DHRS3: variants seen among roughly 807,000 people sequenced by gnomAD.
The protein encoded by DHRS3 is short-chain dehydrogenase/reductase 3.
Under a neutral mutation model 27.2 loss-of-function variants are expected in DHRS3, and 14 were observed. The observed-to-expected ratio is 0.52, with a 90% CI of 0.34 to 0.81. The LOEUF is 0.81. DHRS3 is among the 30% of genes least tolerant of loss of function. The pLI, the probability that DHRS3 is intolerant of heterozygous loss-of-function variation, is 0.01. For synonymous variants in DHRS3, 165 were observed against 175.9 expected, an observed-to-expected ratio of 0.94 and a Z score of 0.49; for missense variants, 322 against 406.2, an observed-to-expected ratio of 0.79 and a Z score of 1.78.
intron 1 of DHRS3, among the ~76,000 whole-genome samples, chr1:12,583,230 CCCCACTGTA>C (rs1289001843): frequency 6.9e-6 from 1 of 143,974 alleles, no homozygotes; most frequent in Non-Finnish European, 1.5e-5. Context: ...CCCTCACCTA[CCCCACTGTA>C]CCCACTCACC....
chr1:12,574,628 G>A lies in DHRS3; in HGVS notation c.699-1775C>T, dbSNP rs1646569524. Among the ~76,000 whole-genome samples, 1 of 152,216 alleles carries A rather than the reference G, an allele frequency of 6.6e-6. No individual in the cohort carries two copies. Among genetic ancestry groups the A allele is most frequent in the South Asian group, 2.1e-4 (1 of 4,838 alleles). ...CTGGCTTCCACCTGTGGCCTGGCCTGTCTCTTGGGAAAGGGAAGGCAGGAT... is the reference window on the plus strand; with the variant it reads ...CTGGCTTCCACCTGTGGCCTGGCCTATCTCTTGGGAAAGGGAAGGCAGGAT... On this transcript the variant is annotated intron_variant, in intron 4 of 5. Transcript: ENST00000616661. The surrounding 1 kb of genome is among the most constrained non-coding windows in gnomAD (Gnocchi z 4.6).
chr1:12,573,994 A>G (rs910036038), intron 4 of DHRS3, among the ~76,000 whole-genome samples: 27 of 152,018 alleles, frequency 1.8e-4, no homozygotes, highest in African/African-American at 6.0e-4. Context: ...CAATCCCACA[A>G]AGAGCTTGTG....
At chr1:12,569,079 G>C (rs4253925) in intron 5 of DHRS3, among the ~76,000 whole-genome samples, 2 of 152,068 alleles carry the variant, frequency 1.3e-5, no homozygotes, top group South Asian at 4.1e-4. Flanking sequence ...TTAGCTGGGC[G>C]TGGTGGTGGG....
At chr1:12,607,586 G>C (rs1553142605) in intron 1 of DHRS3, among the ~76,000 whole-genome samples, 2 of 152,184 alleles carry the variant, frequency 1.3e-5, no homozygotes, top group Non-Finnish European at 2.9e-5. Context: ...ATGTGTAACT[G>C]TGAGTCAATT....
intron 1 of DHRS3, among the ~76,000 whole-genome samples, chr1:12,584,529 T>C (rs1035833263): frequency 7.8e-6 from 1 of 128,370 alleles, no homozygotes; most frequent in Non-Finnish European, 1.6e-5. Context: ...CACATCCCAG[T>C]GCCCAGCATA....
rs1279699864 is a variant in DHRS3, at chr1:12,592,832, T to A, written c.196-12166A>T. 6.6e-6 allele frequency among the ~76,000 whole-genome samples: 1 copy of A among 152,222 alleles called. No homozygotes were observed. Among genetic ancestry groups the A allele is most frequent in the Non-Finnish European group, 1.5e-5 (1 of 68,040 alleles). On this transcript the variant is annotated intron_variant, in intron 1 of 5. Coordinates refer to ENST00000616661, the MANE Select transcript of DHRS3 (RefSeq NM_004753.7). The surrounding 1 kb of genome is among the most constrained non-coding windows in gnomAD (Gnocchi z 4.2). Reference sequence around the variant, plus strand: ...CTCCCTGTTTTCAGATGCCAAGCTCTTTTTAACCTCCGAAGGCTCTTCACT... The same window carrying A: ...CTCCCTGTTTTCAGATGCCAAGCTCATTTTAACCTCCGAAGGCTCTTCACT...
chr1:12,579,064 C>A, intron 3 of DHRS3, 108 bp from the exon 4 acceptor site: 1 of 1,261,282 alleles, frequency 7.9e-7, no homozygotes, highest in Non-Finnish European at 1.1e-6. Flanking sequence ...GCTCTAGGGC[C>A]CGAGCCTTCC....
intron 5 of DHRS3, among the ~76,000 whole-genome samples, chr1:12,571,145 C>G (rs1412147471): frequency 1.3e-5 from 2 of 152,332 alleles, no homozygotes; most frequent in East Asian, 1.9e-4. Context: ...CCCATGGTCA[C>G]TTGTGGCACC....
At chr1:12,602,909 A>T (rs1441542617) in intron 1 of DHRS3, among the ~76,000 whole-genome samples, 2 of 152,184 alleles carry the variant, frequency 1.3e-5, no homozygotes, top group African/African-American at 4.8e-5. Context: ...CTGCTGTGAC[A>T]CTGCCTTTGG....
intron 1 of DHRS3, among the ~76,000 whole-genome samples, chr1:12,588,790 G>A (rs1031429343): frequency 3.9e-5 from 6 of 152,198 alleles, no homozygotes; most frequent in Admixed American, 1.3e-4. Context: ...TCCCACCGGC[G>A]ACATGAGCTG....
chr1:12,576,568 A>AC (rs904554282), intron 4 of DHRS3, among the ~76,000 whole-genome samples: 23 of 151,720 alleles, frequency 1.5e-4, no homozygotes, highest in Admixed American at 2.0e-4. Context: ...TCTTAAAAAA[A>AC]AAAACAAAAC....
rs111271054 is a variant in DHRS3, at chr1:12,591,240, G to A, written c.196-10574C>T. Among the ~76,000 whole-genome samples, 11 of 152,368 alleles carry A rather than the reference G, an allele frequency of 7.2e-5. 1 individual carries two copies. Among genetic ancestry groups the A allele is most frequent in the African/African-American group, 2.6e-4 (11 of 41,594 alleles). On this transcript the variant is annotated intron_variant, in intron 1 of 5. Coordinates refer to ENST00000616661, the MANE Select transcript of DHRS3 (RefSeq NM_004753.7). This position sits in a 1 kb window ranked among gnomAD's most constrained non-coding sequence, Gnocchi z 4.1. ...TGACCCCAGGAGGTCAGAGGTGACAGAAGCCACTGGGCCTGTCAGGGACTT... is the reference window on the plus strand; with the variant it reads ...TGACCCCAGGAGGTCAGAGGTGACAAAAGCCACTGGGCCTGTCAGGGACTT...
chr1:12,602,128 A>G (rs1469281632), intron 1 of DHRS3, among the ~76,000 whole-genome samples: 2 of 152,174 alleles, frequency 1.3e-5, no homozygotes, highest in Non-Finnish European at 2.9e-5. Flanking sequence ...GCCTCACCGC[A>G]GCCCGGTCCT....
At chr1:12,580,430 G>C in intron 2 of DHRS3, 93 bp downstream of exon 2, 3 of 1,580,460 alleles carry the variant, frequency 1.9e-6, no homozygotes, top group Non-Finnish European at 2.6e-6. Context: ...GCCATAAGCA[G>C]AGCTCTCTTC....
chr1:12,596,521 G>GA (rs994599711), intron 1 of DHRS3, among the ~76,000 whole-genome samples: 4 of 152,120 alleles, frequency 2.6e-5, no homozygotes, highest in African/African-American at 9.7e-5. Flanking sequence ...CCTCCCTTCC[G>GA]AAGCAGGGGG....
In DHRS3 at chr1:12,594,022, C is replaced by T. The variant is rs12045736; in HGVS notation, c.196-13356G>A. On this transcript the variant is annotated intron_variant, in intron 1 of 5. Coordinates refer to ENST00000616661, the MANE Select transcript of DHRS3 (RefSeq NM_004753.7). This position sits in a 1 kb window ranked among gnomAD's most constrained non-coding sequence, Gnocchi z 4.1. ...AGAGTTCATGGCTGACACCTCACAA[C>T]CTTTGCCCTTTTCCCCCACTGGACC... Among the ~76,000 whole-genome samples the T allele has an allele frequency of 0.44, 67,012 of 152,064 alleles. 15,838 individuals are homozygous for T. Among genetic ancestry groups the T allele is most frequent in the South Asian group, 0.58 (2,778 of 4,814 alleles).
intron 4 of DHRS3, among the ~76,000 whole-genome samples, chr1:12,573,950 A>G (rs1646563125): frequency 6.6e-6 from 1 of 152,130 alleles, no homozygotes. Flanking sequence ...TCCTGGATCT[A>G]TAGGTGCAGG....
At position 12,582,286 on chromosome 1, in the gene DHRS3, C is replaced by T. The variant is rs186172023; in HGVS notation, c.196-1620G>A. Among the ~76,000 whole-genome samples the T allele has an allele frequency of 7.9e-5, 12 of 152,276 alleles. 1 individual carries two copies. Among genetic ancestry groups the T allele is most frequent in the Admixed American group, 4.6e-4 (7 of 15,294 alleles). Reference sequence around the variant, plus strand: ...CCTAGCTGGCGGCTCTCAGAAATTCCGGTATTCTCCAATGGAATCGATTTT... The same window carrying T: ...CCTAGCTGGCGGCTCTCAGAAATTCTGGTATTCTCCAATGGAATCGATTTT... On this transcript the variant is annotated intron_variant, in intron 1 of 5. Coordinates refer to ENST00000616661, the MANE Select transcript of DHRS3 (RefSeq NM_004753.7).
chr1:12,605,324 A>G (rs1019809153), intron 1 of DHRS3, among the ~76,000 whole-genome samples: 1 of 152,146 alleles, frequency 6.6e-6, no homozygotes, highest in South Asian at 2.1e-4. Context: ...GCATATTAAT[A>G]TGGTCTTGTA....
Sources: allele counts gnomAD v4.1 joint callset (sites outside exome capture counted in the v4.1 genomes callset), GRCh38; gene constraint gnomAD v4.1.1; non-coding constraint Gnocchi (gnomAD v3.1); transcripts MANE v1.5; gene names NCBI Gene and HGNC (gene_info 2026-07-23, HGNC 2026-07-21).